PCNX2: variants seen among roughly 807,000 people sequenced by gnomAD.
PCNX2 encodes the protein pecanex 2, also known as pecanex-like protein 2.
Under a neutral mutation model 223.8 loss-of-function variants are expected in PCNX2, and 168 were observed. That is an observed-to-expected ratio of 0.75 (90% CI 0.66 to 0.85). The LOEUF (loss-of-function observed/expected upper bound fraction) is 0.85. Ranked by LOEUF, PCNX2 falls within the 40% of genes least tolerant of loss-of-function variation. The probability of loss-of-function intolerance (pLI) is 0.00; values close to 1 mark genes in which losing one functional copy is unlikely to be tolerated. For missense variants in PCNX2, 2,507 were observed against 2,675.5 expected (o/e 0.94, Z 1.39); for synonymous variants, 1,006 against 1,052.6 (o/e 0.96, Z 0.86).
At chr1:233,202,607 A>C (rs1384308130) in intron 13 of PCNX2, among the ~76,000 whole-genome samples, 1 of 152,220 alleles carries the variant, frequency 6.6e-6, no homozygotes, top group Non-Finnish European at 1.5e-5. Flanking sequence ...GACTGAGGCC[A>C]AGAAATGAGC....
At position 233,253,358 on chromosome 1, in the gene PCNX2, T is replaced by A. The variant is rs76769176; in HGVS notation, c.1835-570A>T. Among the ~76,000 whole-genome samples the A allele has an allele frequency of 0.028, 4,273 of 152,204 alleles. 107 individuals carry two copies. The highest frequency in any genetic ancestry group is 0.071 in the African/African-American group (2,966 of 41,504). On this transcript the variant is annotated intron_variant, in intron 5 of 33. Coordinates refer to ENST00000258229, the MANE Select transcript of PCNX2 (RefSeq NM_014801.4). The surrounding 1 kb of genome is among the most constrained non-coding windows in gnomAD (Gnocchi z 4.2). ...GTTTGTTTGTTTGTTTGAGACAGGG[T>A]CTGGCCCTGTTGCCAAGGCTGGAGG...
At chr1:233,273,994 A>G (rs149510844) in intron 1 of PCNX2, among the ~76,000 whole-genome samples, 14 of 152,282 alleles carry the variant, frequency 9.2e-5, no homozygotes, top group African/African-American at 2.4e-4. Flanking sequence ...CCATTGTTTT[A>G]ATACTACTAG....
At chr1:233,185,120 CACACACACACAT>C (rs1025373216) in intron 15 of PCNX2, among the ~76,000 whole-genome samples, 4 of 147,324 alleles carry the variant, frequency 2.7e-5, no homozygotes, top group Non-Finnish European at 4.5e-5. Context: ...CACACACACA[CACACACACACAT>C]CCCTCAGATT....
chr1:233,239,101 A>C (rs892520622), intron 8 of PCNX2, among the ~76,000 whole-genome samples: 2 of 152,234 alleles, frequency 1.3e-5, no homozygotes, highest in Non-Finnish European at 2.9e-5. Flanking sequence ...AGATATCTTA[A>C]ACGGAGCACA....
At chr1:233,113,934 T>C (rs971913586) in intron 21 of PCNX2, among the ~76,000 whole-genome samples, 1 of 152,232 alleles carries the variant, frequency 6.6e-6, no homozygotes, top group Non-Finnish European at 1.5e-5. Flanking sequence ...GAGAGCAATA[T>C]TCAACATTCC....
intron 19 of PCNX2, 36 bp downstream of exon 19, chr1:233,160,247 T>C (rs78404017): frequency 1.8e-5 from 3 of 170,908 alleles, no homozygotes; most frequent in South Asian, 1.7e-4. Flanking sequence ...CTACCCCTCC[T>C]TTTTTTTTTT....
At chr1:233,211,930 AC>A in intron 12 of PCNX2, 1 of 437,408 alleles carries the variant, frequency 2.3e-6, no homozygotes, top group Non-Finnish European at 3.0e-6. Flanking sequence ...GGTGTCGAAA[AC>A]CCAGACATTC....
chr1:233,081,449 T>C (rs536950109), intron 23 of PCNX2, among the ~76,000 whole-genome samples: 8 of 152,350 alleles, frequency 5.3e-5, no homozygotes, highest in African/African-American at 1.9e-4. Flanking sequence ...TGGTCACTTG[T>C]TGTCCATGAG....
At chr1:233,237,136 T>G (rs918627486) in intron 8 of PCNX2, 156 bp from the exon 9 acceptor site, 9 of 502,600 alleles carry the variant, frequency 1.8e-5, no homozygotes, top group Non-Finnish European at 2.3e-5. Flanking sequence ...AAATTATGTA[T>G]ACAAGGCTAC....
intron 8 of PCNX2, among the ~76,000 whole-genome samples, chr1:233,239,331 G>A (rs868008287): frequency 6.6e-6 from 1 of 151,344 alleles, no homozygotes; most frequent in Non-Finnish European, 1.5e-5. Context: ...CTCCTACTAA[G>A]GTGTCCTGCT....
rs1491302915 is a variant in PCNX2 at position 233,233,423 on chromosome 1, CCT to C, written c.2358+3420_2358+3421del. Reference sequence around the variant, plus strand: ...ACAATGAAAAATAACCTCCTCTTCTCCTGTGTGTGTGTGTGTGTGTGTGTGTG... The same window carrying C: ...ACAATGAAAAATAACCTCCTCTTCTCGTGTGTGTGTGTGTGTGTGTGTGTG... On this transcript the variant is annotated intron_variant, in intron 9 of 33. Transcript: ENST00000258229. Among the ~76,000 whole-genome samples, 744 of 115,584 alleles carry C rather than the reference CCT, an allele frequency of 6.4e-3. 7 individuals are homozygous for C. The highest frequency in any genetic ancestry group is 0.025 in the African/African-American group (699 of 28,282). The allele number at this position is 115,584 out of a possible 152,430, so 75.8% of individuals were successfully genotyped here. A position where few individuals can be genotyped will look rare whatever the true frequency, so the allele number is the denominator to read the frequency against.
At chr1:233,199,463 G>A (rs1457927723) in intron 14 of PCNX2, among the ~76,000 whole-genome samples, 1 of 152,110 alleles carries the variant, frequency 6.6e-6, no homozygotes, top group African/African-American at 2.4e-5. Context: ...GTGTGTGTGT[G>A]TGTGTACGTG....
At chr1:233,223,367 C>T (rs1241613345) in intron 10 of PCNX2, among the ~76,000 whole-genome samples, 2 of 152,186 alleles carry the variant, frequency 1.3e-5, no homozygotes, top group South Asian at 2.1e-4. Flanking sequence ...GAAACAAACA[C>T]AGGCAACCCT....
intron 21 of PCNX2, among the ~76,000 whole-genome samples, chr1:233,125,640 G>A (rs952462831): frequency 2.0e-5 from 3 of 152,276 alleles, no homozygotes; most frequent in Non-Finnish European, 4.4e-5. Flanking sequence ...CCTGGTTCAA[G>A]AATGAACATG....
At chr1:233,144,281 T>C (rs1677299385) in intron 19 of PCNX2, among the ~76,000 whole-genome samples, 1 of 152,194 alleles carries the variant, frequency 6.6e-6, no homozygotes, top group Admixed American at 6.5e-5. Flanking sequence ...TTTTTAAAAA[T>C]GTAGCTACAC....
At chr1:233,229,180 T>A (rs1222283888) in intron 9 of PCNX2, among the ~76,000 whole-genome samples, 2 of 152,186 alleles carry the variant, frequency 1.3e-5, no homozygotes, top group East Asian at 3.8e-4. Flanking sequence ...AATTTTACCA[T>A]CTCTCCATTT....
At chr1:233,236,743 G>T in intron 9 of PCNX2, 102 bp downstream of exon 9, 1 of 1,499,284 alleles carries the variant, frequency 6.7e-7, no homozygotes, top group Non-Finnish European at 9.0e-7. Flanking sequence ...AAAATTCAGG[G>T]AAAGAGCTGA....
chr1:233,238,386 T>A (rs1023110733), intron 8 of PCNX2, among the ~76,000 whole-genome samples: 6 of 152,194 alleles, frequency 3.9e-5, no homozygotes, highest in Non-Finnish European at 8.8e-5. Flanking sequence ...TCTGTGAGAA[T>A]GGTGTTTAAA....
chr1:233,117,914 G>A (rs1427764574), intron 21 of PCNX2, among the ~76,000 whole-genome samples: 2 of 149,288 alleles, frequency 1.3e-5, no homozygotes, highest in Non-Finnish European at 3.0e-5. Flanking sequence ...GGAGGCTGAG[G>A]CAGGAGAATG....
Sources: allele counts gnomAD v4.1 joint callset (sites outside exome capture counted in the v4.1 genomes callset), GRCh38; gene constraint gnomAD v4.1.1; non-coding constraint Gnocchi (gnomAD v3.1); transcripts MANE v1.5; gene names NCBI Gene and HGNC (gene_info 2026-07-23, HGNC 2026-07-21).